The following IFT80 variants were observed in gnomAD, a reference collection of about 807,000 sequenced individuals.
IFT80 encodes intraflagellar transport protein 80 homolog.
In IFT80, 79 loss-of-function variants were observed where a neutral mutation model predicts 107.9. The observed-to-expected ratio is 0.73, with a 90% CI of 0.61 to 0.88. The LOEUF (loss-of-function observed/expected upper bound fraction) is 0.88. Among genes scored for constraint, IFT80 ranks in the 40% least tolerant of loss-of-function variants. The pLI is 0.00. For missense variants in IFT80, 797 were observed against 914.2 expected (o/e 0.87, Z 1.65); for synonymous variants, 299 against 300.9 (o/e 0.99, Z 0.07).
At chr3:160,327,402 C>T (rs1023060429) in intron 8 of IFT80, among the ~76,000 whole-genome samples, 1 of 152,102 alleles carries the variant, frequency 6.6e-6, no homozygotes, top group African/African-American at 2.4e-5. Context: ...AAGCTGGAGG[C>T]ATTATACTAC....
chr3:160,381,357 G>T (rs1475376752), intron 3 of IFT80, 146 bp downstream of exon 3: 2 of 686,038 alleles, frequency 2.9e-6, no homozygotes, highest in Non-Finnish European at 5.1e-6. Context: ...CACAAACCAA[G>T]TGACTATTCA....
chr3:160,267,100 A>G (rs1011046224), intron 19 of IFT80, among the ~76,000 whole-genome samples: 9 of 152,190 alleles, frequency 5.9e-5, no homozygotes, highest in Admixed American at 5.2e-4. Context: ...GAAACCCACA[A>G]CTTGTAGCTA....
At chr3:160,322,278 A>C (rs1718294880) in intron 8 of IFT80, among the ~76,000 whole-genome samples, 1 of 149,388 alleles carries the variant, frequency 6.7e-6, no homozygotes, top group Non-Finnish European at 1.5e-5. Context: ...GAGTGAGAAC[A>C]TGTGGTGTTT....
At chr3:160,325,383 G>A (rs1206383632) in intron 8 of IFT80, among the ~76,000 whole-genome samples, 6 of 152,084 alleles carry the variant, frequency 3.9e-5, no homozygotes, top group Admixed American at 6.6e-5. Flanking sequence ...AGCCAGAAAG[G>A]AATGTCTTAC....
chr3:160,354,042 C>T (rs925473808), intron 8 of IFT80, among the ~76,000 whole-genome samples: 1 of 151,896 alleles, frequency 6.6e-6, no homozygotes, highest in African/African-American at 2.4e-5. Context: ...ACAGATAATA[C>T]AGAATTATTG....
intron 19 of IFT80, among the ~76,000 whole-genome samples, chr3:160,265,167 A>C (rs1358829156): frequency 6.6e-6 from 1 of 152,238 alleles, no homozygotes; most frequent in Non-Finnish European, 1.5e-5. Context: ...ATTATATCCC[A>C]AGCACTAAGG....
At chr3:160,299,154 T>C (rs1365494710) in intron 12 of IFT80, 4 of 980,672 alleles carry the variant, frequency 4.1e-6, no homozygotes, top group Non-Finnish European at 4.9e-6. Context: ...TCACAATTTA[T>C]AGTTATCTTA....
At chr3:160,390,331 C>T (rs192701018) in intron 1 of IFT80, among the ~76,000 whole-genome samples, 3 of 151,472 alleles carry the variant, frequency 2.0e-5, no homozygotes, top group South Asian at 4.2e-4. Flanking sequence ...GCAGGAGAAT[C>T]GCTTGAACCC....
chr3:160,318,161 T>G (rs6441311), intron 9 of IFT80, among the ~76,000 whole-genome samples: 31,980 of 151,566 alleles, frequency 0.21, 3,719 homozygotes, highest in Non-Finnish European at 0.26. Flanking sequence ...TGGGGCTGGG[T>G]GATGAGTACA....
At chr3:160,267,843 A>T (rs1713464779) in intron 19 of IFT80, among the ~76,000 whole-genome samples, 1 of 152,252 alleles carries the variant, frequency 6.6e-6, no homozygotes, top group Non-Finnish European at 1.5e-5. Flanking sequence ...CTGGGACTAC[A>T]GGCATGCACC....
intron 3 of IFT80, among the ~76,000 whole-genome samples, chr3:160,380,889 T>C (rs1712437189): frequency 6.6e-6 from 1 of 152,244 alleles, no homozygotes; most frequent in Non-Finnish European, 1.5e-5. Context: ...ATTTGAAGAA[T>C]TTAGGAACTA....
intron 6 of IFT80, among the ~76,000 whole-genome samples, chr3:160,363,226 A>G (rs1363856864): frequency 6.6e-6 from 1 of 152,152 alleles, no homozygotes; most frequent in African/African-American, 2.4e-5. Flanking sequence ...CACCAATGAC[A>G]AACAGAGAGC....
At chr3:160,311,580 G>A (rs894155592) in intron 9 of IFT80, among the ~76,000 whole-genome samples, 4 of 152,210 alleles carry the variant, frequency 2.6e-5, no homozygotes, top group African/African-American at 7.2e-5. Flanking sequence ...AGGAATGACT[G>A]TAAAGAGGGG....
intron 9 of IFT80, among the ~76,000 whole-genome samples, chr3:160,312,240 G>A (rs1291164008): frequency 6.6e-6 from 1 of 151,884 alleles, no homozygotes; most frequent in Non-Finnish European, 1.5e-5. Flanking sequence ...GACTGCAGGT[G>A]GTGTCTTCAA....
chr3:160,269,064 G>A (rs1025951124), intron 18 of IFT80, among the ~76,000 whole-genome samples: 2 of 151,906 alleles, frequency 1.3e-5, no homozygotes, highest in African/African-American at 4.8e-5. Flanking sequence ...CCCTGTCTCT[G>A]CTAAAGATAC....
At chr3:160,315,196 C>T (rs1052020626) in intron 9 of IFT80, among the ~76,000 whole-genome samples, 8 of 152,186 alleles carry the variant, frequency 5.3e-5, no homozygotes, top group African/African-American at 1.9e-4. Context: ...AAAACAGGTA[C>T]AGGGATAGTC....
chr3:160,298,835 TGTAACACAATG>T (rs946180865), intron 12 of IFT80, among the ~76,000 whole-genome samples: 38 of 152,286 alleles, frequency 2.5e-4, no homozygotes, highest in African/African-American at 8.9e-4. Context: ...AATGGACAAC[TGTAACACAATG>T]GTATTTGTGT....
At chr3:160,351,237 T>G (rs1720675395) in intron 8 of IFT80, among the ~76,000 whole-genome samples, 1 of 151,530 alleles carries the variant, frequency 6.6e-6, no homozygotes, top group Admixed American at 6.6e-5. Context: ...TTTCTTGTGG[T>G]CATATATTTT....
intron 18 of IFT80, among the ~76,000 whole-genome samples, chr3:160,274,944 A>C (rs902800946): frequency 5.3e-5 from 8 of 152,236 alleles, no homozygotes; most frequent in African/African-American, 1.9e-4. Flanking sequence ...GATATATGCA[A>C]TGGTACCAGC....
Sources: gnomAD v4.1 joint callset for allele counts (sites outside exome capture counted in the v4.1 genomes callset) on GRCh38, gnomAD v4.1.1 for gene constraint, MANE v1.5 for transcripts, NCBI Gene and HGNC (gene_info 2026-07-23, HGNC 2026-07-21) for gene names.